The following AGBL1 variants were observed in gnomAD, a reference collection of about 807,000 sequenced individuals.
AGBL1 encodes the protein AGBL carboxypeptidase 1, also known as cytosolic carboxypeptidase 4.
Under a neutral mutation model 118.9 loss-of-function variants are expected in AGBL1, and 130 were observed. The observed-to-expected ratio is 1.09, with a 90% CI of 0.95 to 1.26. The LOEUF is 1.26. AGBL1 is among the 50% of genes most tolerant of loss of function. AGBL1 has a pLI of 0.00. For missense variants in AGBL1, 1,584 were observed against 1,298.1 expected (o/e 1.22, Z -3.38); for synonymous variants, 555 against 478.9 (o/e 1.16, Z -2.08).
intron 17 of AGBL1, among the ~76,000 whole-genome samples, chr15:86,363,684 T>C (rs553435603): frequency 2.0e-5 from 3 of 152,316 alleles, no homozygotes; most frequent in African/African-American, 7.2e-5. Flanking sequence ...TAAACCTGTA[T>C]GCAAATGGCT....
chr15:86,791,073 A>T (rs1342550444), intron 22 of AGBL1, among the ~76,000 whole-genome samples: 1 of 152,214 alleles, frequency 6.6e-6, no homozygotes, highest in Non-Finnish European at 1.5e-5. Flanking sequence ...TTGGAAAGAT[A>T]TGAAAATCCA....
At chr15:86,817,871 T>A (rs2078887828) in intron 22 of AGBL1, among the ~76,000 whole-genome samples, 1 of 152,174 alleles carries the variant, frequency 6.6e-6, no homozygotes, top group Admixed American at 6.5e-5. Context: ...TGATCTAATA[T>A]AACTGACATC....
chr15:86,424,689 C>A (rs1055541745), intron 18 of AGBL1, among the ~76,000 whole-genome samples: 2 of 152,096 alleles, frequency 1.3e-5, no homozygotes, highest in African/African-American at 4.8e-5. Context: ...AACAAATTTA[C>A]AATTGAAAAA....
chr15:86,228,795 T>C (rs1440235795), intron 6 of AGBL1, among the ~76,000 whole-genome samples: 6 of 152,224 alleles, frequency 3.9e-5, no homozygotes, highest in African/African-American at 1.4e-4. Flanking sequence ...CAAACACATT[T>C]CCCGTCTCTG....
At chr15:86,585,461 A>G (rs142108636) in intron 21 of AGBL1, among the ~76,000 whole-genome samples, 1 of 152,124 alleles carries the variant, frequency 6.6e-6, no homozygotes, top group Non-Finnish European at 1.5e-5. Context: ...TGGTGTGATA[A>G]TAGCTTATTA....
At chr15:86,880,234 T>G (rs2079871420) in intron 22 of AGBL1, among the ~76,000 whole-genome samples, 1 of 152,220 alleles carries the variant, frequency 6.6e-6, no homozygotes, top group East Asian at 1.9e-4. Flanking sequence ...AAAATCACAC[T>G]ATAAAATTAT....
chr15:86,450,908 G>A (rs981934303), intron 18 of AGBL1, among the ~76,000 whole-genome samples: 19 of 151,970 alleles, frequency 1.3e-4, no homozygotes, highest in African/African-American at 4.4e-4. Flanking sequence ...TATTCTTACT[G>A]CACTATCCTT....
intron 20 of AGBL1, among the ~76,000 whole-genome samples, chr15:86,551,617 A>G (rs531820452): frequency 6.6e-6 from 1 of 152,326 alleles, no homozygotes; most frequent in East Asian, 1.9e-4. Flanking sequence ...GATACATTCT[A>G]TCAAACTCTT....
chr15:86,490,200 C>T (rs1179459144), intron 18 of AGBL1, among the ~76,000 whole-genome samples: 1 of 152,092 alleles, frequency 6.6e-6, no homozygotes, highest in African/African-American at 2.4e-5. Context: ...AGATGCAGCT[C>T]TGCTGAAAGT....
intron 22 of AGBL1, among the ~76,000 whole-genome samples, chr15:86,807,951 G>T (rs1253392416): frequency 6.6e-6 from 1 of 152,068 alleles, no homozygotes; most frequent in Non-Finnish European, 1.5e-5. Flanking sequence ...ACACTTGGTA[G>T]TTGCATAAAC....
intron 6 of AGBL1, among the ~76,000 whole-genome samples, chr15:86,242,049 A>G (rs935960191): frequency 6.6e-6 from 1 of 152,164 alleles, no homozygotes; most frequent in Non-Finnish European, 1.5e-5. Flanking sequence ...GGTTTTATAA[A>G]GGAGAATTCC....
chr15:86,620,643 C>A (rs978546954), intron 21 of AGBL1, among the ~76,000 whole-genome samples: 4 of 152,100 alleles, frequency 2.6e-5, no homozygotes, highest in African/African-American at 4.8e-5. Flanking sequence ...TTTGTTTAAC[C>A]CTTTTATCAA....
At chr15:86,165,239 C>T (rs2077323712) in intron 5 of AGBL1, among the ~76,000 whole-genome samples, 1 of 152,104 alleles carries the variant, frequency 6.6e-6, no homozygotes. Flanking sequence ...TCCAAAGGAC[C>T]AATCTTCTAG....
At chr15:86,660,626 C>G (rs1213503001) in intron 21 of AGBL1, among the ~76,000 whole-genome samples, 1 of 151,814 alleles carries the variant, frequency 6.6e-6, no homozygotes, top group Admixed American at 6.6e-5. Context: ...TTTTAATTTA[C>G]TTATAGACTC....
At chr15:86,122,206 C>CTGACAGATTGAGTGTTG (rs1455872062) in intron 1 of AGBL1, among the ~76,000 whole-genome samples, 1 of 152,164 alleles carries the variant, frequency 6.6e-6, no homozygotes, top group Non-Finnish European at 1.5e-5. Context: ...ACAGGAGGTT[C>CTGACAGATTGAGTGTTG]TGACAGATTG....
At chr15:86,290,784 C>T (rs1481614688) in intron 16 of AGBL1, among the ~76,000 whole-genome samples, 2 of 151,874 alleles carry the variant, frequency 1.3e-5, no homozygotes, top group Non-Finnish European at 1.5e-5. Context: ...TGGTGTGCTG[C>T]ACCCATTAAC....
intron 17 of AGBL1, among the ~76,000 whole-genome samples, chr15:86,391,522 T>A (rs2081284747): frequency 6.6e-6 from 1 of 152,050 alleles, no homozygotes; most frequent in Admixed American, 6.6e-5. Context: ...GCTGCATGAT[T>A]CCACCTTGAA....
chr15:86,566,095 C>T (rs933406658), intron 21 of AGBL1, among the ~76,000 whole-genome samples: 47 of 119,962 alleles, frequency 3.9e-4, no homozygotes, highest in African/African-American at 9.5e-4. Context: ...GGTGATGCCT[C>T]GCCCTGCTTT....
intron 5 of AGBL1, among the ~76,000 whole-genome samples, chr15:86,213,471 C>CAA (rs2078134999): frequency 6.6e-6 from 1 of 152,156 alleles, no homozygotes; most frequent in Non-Finnish European, 1.5e-5. Context: ...CCCTAGACCT[C>CAA]CTGTGTCAGG....
Sources: allele counts gnomAD v4.1 joint callset (sites outside exome capture counted in the v4.1 genomes callset), GRCh38; gene constraint gnomAD v4.1.1; transcripts MANE v1.5; gene names NCBI Gene and HGNC (gene_info 2026-07-23, HGNC 2026-07-21).